Variants in DCLK1 observed in about 807,000 individuals in gnomAD.
DCLK1 encodes serine/threonine-protein kinase DCLK1.
In DCLK1, 16 loss-of-function variants were observed where a neutral mutation model predicts 86.2. The ratio of observed to expected loss-of-function variants is 0.19; its 90% confidence interval spans 0.13 to 0.28. The LOEUF (loss-of-function observed/expected upper bound fraction) is 0.28, where lower values mean the gene tolerates loss of function less well. DCLK1 is among the 10% of genes least tolerant of loss of function. DCLK1 has a pLI of 1.00. For synonymous variants in DCLK1, 369 were observed against 370.5 expected, an observed-to-expected ratio of 1.00 and a Z score of 0.05; for missense variants, 590 against 940.2, an observed-to-expected ratio of 0.63 and a Z score of 4.87.
intron 11 of DCLK1, among the ~76,000 whole-genome samples, chr13:35,813,303 CTTTT>C (rs1255214681): frequency 6.6e-6 from 1 of 151,828 alleles, no homozygotes; most frequent in Non-Finnish European, 1.5e-5. Context: ...AATTTTGTAG[CTTTT>C]TTCTTAAACA....
At chr13:35,797,648 A>G (rs1253105443) in intron 15 of DCLK1, among the ~76,000 whole-genome samples, 1 of 152,098 alleles carries the variant, frequency 6.6e-6, no homozygotes, top group Non-Finnish European at 1.5e-5. Context: ...TGGAGTAGGT[A>G]AAACACATAC....
chr13:36,100,227 A>C (rs1021247099), intron 3 of DCLK1, among the ~76,000 whole-genome samples: 1 of 147,324 alleles, frequency 6.8e-6, no homozygotes, highest in Non-Finnish European at 1.5e-5. Context: ...CACACACACA[A>C]AATTAGCCAG....
intron 4 of DCLK1, among the ~76,000 whole-genome samples, chr13:35,918,944 A>G (rs368750351): frequency 8.3e-6 from 1 of 120,950 alleles, no homozygotes; most frequent in Non-Finnish European, 1.6e-5. Flanking sequence ...TCTGCTGCCC[A>G]GGCTGGAGTG....
At chr13:36,016,940 A>G (rs1440351584) in intron 3 of DCLK1, among the ~76,000 whole-genome samples, 3 of 152,202 alleles carry the variant, frequency 2.0e-5, no homozygotes, top group African/African-American at 7.2e-5. Context: ...TAAGTTACAC[A>G]TGGCTAGTGG....
chr13:35,866,133 G>A (rs1593677636), intron 5 of DCLK1, among the ~76,000 whole-genome samples: 1 of 152,144 alleles, frequency 6.6e-6, no homozygotes, highest in Admixed American at 6.5e-5. Flanking sequence ...AGTTATCCCA[G>A]CCCTGCCTCT....
At chr13:36,088,692 G>A (rs1884705364) in intron 3 of DCLK1, among the ~76,000 whole-genome samples, 2 of 152,198 alleles carry the variant, frequency 1.3e-5, no homozygotes, top group Admixed American at 6.5e-5. Flanking sequence ...CGGGGTTCCC[G>A]ATGTACCTTG....
intron 13 of DCLK1, among the ~76,000 whole-genome samples, chr13:35,808,681 G>A (rs2087080885): frequency 6.6e-6 from 1 of 152,140 alleles, no homozygotes; most frequent in Non-Finnish European, 1.5e-5. Context: ...TATTCAGGAA[G>A]CTGAGGCAGG....
chr13:35,935,537 T>C (rs1393519980), intron 4 of DCLK1, among the ~76,000 whole-genome samples: 2 of 152,132 alleles, frequency 1.3e-5, no homozygotes, highest in Admixed American at 1.3e-4. Flanking sequence ...AGAATGCTGA[T>C]GCCATGAGCT....
intron 13 of DCLK1, 124 bp from the exon 14 acceptor site, chr13:35,808,444 A>G: frequency 2.4e-6 from 2 of 847,426 alleles, no homozygotes; most frequent in Non-Finnish European, 3.8e-6. Context: ...GTGTATTTTT[A>G]ATCGATTGAA....
At chr13:35,869,143 G>A in intron 5 of DCLK1, 1 of 510,326 alleles carries the variant, frequency 2.0e-6, no homozygotes, top group Admixed American at 2.0e-5. Context: ...AGTTAAGACT[G>A]AACATCCTCC....
intron 3 of DCLK1, among the ~76,000 whole-genome samples, chr13:36,044,819 T>A (rs1882819789): frequency 6.6e-6 from 1 of 151,852 alleles, no homozygotes; most frequent in African/African-American, 2.4e-5. Context: ...AATAACAAAA[T>A]AAACATATTT....
At chr13:35,922,972 C>T (rs968422470) in intron 4 of DCLK1, among the ~76,000 whole-genome samples, 13 of 152,152 alleles carry the variant, frequency 8.5e-5, no homozygotes, top group African/African-American at 2.9e-4. Context: ...CTCATGGGAA[C>T]GATGCACCAG....
chr13:35,924,178 A>G (rs1593737195), intron 4 of DCLK1, among the ~76,000 whole-genome samples: 1 of 151,770 alleles, frequency 6.6e-6, no homozygotes, highest in Admixed American at 6.6e-5. Flanking sequence ...CTGGTTCAAG[A>G]CCTCTATGTC....
intron 3 of DCLK1, among the ~76,000 whole-genome samples, chr13:35,993,590 C>T (rs1007060455): frequency 5.4e-5 from 8 of 149,172 alleles, no homozygotes; most frequent in African/African-American, 1.7e-4. Flanking sequence ...TCAGTTTCCG[C>T]ATCTACACAT....
At chr13:36,113,700 T>G (rs1252623378) in intron 2 of DCLK1, among the ~76,000 whole-genome samples, 1 of 152,116 alleles carries the variant, frequency 6.6e-6, no homozygotes, top group Non-Finnish European at 1.5e-5. Flanking sequence ...GTAGTTTATT[T>G]ATCTATAAAA....
chr13:36,113,292 G>T (rs953643784), intron 2 of DCLK1, among the ~76,000 whole-genome samples: 1 of 152,100 alleles, frequency 6.6e-6, no homozygotes, highest in Non-Finnish European at 1.5e-5. Context: ...GCCTTCAAAA[G>T]TTAAAAAGAG....
chr13:35,815,526 A>G (rs2087247189), intron 11 of DCLK1, among the ~76,000 whole-genome samples: 1 of 152,232 alleles, frequency 6.6e-6, no homozygotes, highest in South Asian at 2.1e-4. Context: ...CTCAGTAGGA[A>G]CTAAAAATTA....
intron 3 of DCLK1, among the ~76,000 whole-genome samples, chr13:36,031,259 A>C (rs141523368): frequency 6.6e-6 from 1 of 152,314 alleles, no homozygotes; most frequent in African/African-American, 2.4e-5. Flanking sequence ...TTTAGGCTAA[A>C]AAGTTTTAAG....
intron 3 of DCLK1, among the ~76,000 whole-genome samples, chr13:36,085,345 T>C (rs146009015): frequency 6.6e-6 from 1 of 152,312 alleles, no homozygotes; most frequent in African/African-American, 2.4e-5. Flanking sequence ...CAGTTTATTG[T>C]GTTTTTTTTC....
Sources: gnomAD v4.1 joint callset for allele counts (sites outside exome capture counted in the v4.1 genomes callset) on GRCh38, gnomAD v4.1.1 for gene constraint, MANE v1.5 for transcripts, NCBI Gene and HGNC (gene_info 2026-07-23, HGNC 2026-07-21) for gene names.